The following PBLD variants were observed in gnomAD, a reference collection of about 807,000 sequenced individuals.
PBLD encodes the protein phenazine biosynthesis-like domain-containing protein.
PBLD carries 26 observed loss-of-function variants against 31.3 expected under a neutral mutation model. That is an observed-to-expected ratio of 0.83 (90% CI 0.61 to 1.15). The LOEUF (loss-of-function observed/expected upper bound fraction) is 1.15, where lower values mean the gene tolerates loss of function less well. PBLD is among the 50% of genes most tolerant of loss of function. The pLI is 0.00. For missense variants in PBLD, 307 were observed against 351.7 expected (o/e 0.87, Z 1.02); for synonymous variants, 114 against 129.0 (o/e 0.88, Z 0.79).
chr10:68,328,021 T>C (rs2044951341), intron 1 of PBLD, among the ~76,000 whole-genome samples: 1 of 152,132 alleles, frequency 6.6e-6, no homozygotes, highest in Non-Finnish European at 1.5e-5. Flanking sequence ...TTAGGTGACT[T>C]AGAGAAACAA....
At chr10:68,294,808 A>T (rs2044403211) in intron 4 of PBLD, among the ~76,000 whole-genome samples, 1 of 152,180 alleles carries the variant, frequency 6.6e-6, no homozygotes, top group Non-Finnish European at 1.5e-5. Flanking sequence ...GCTCACTGCA[A>T]CCACGGCCTC....
At chr10:68,284,740 A>C (rs151152456) in intron 9 of PBLD, among the ~76,000 whole-genome samples, 1 of 152,346 alleles carries the variant, frequency 6.6e-6, no homozygotes, top group East Asian at 1.9e-4. Flanking sequence ...ATTCACTCAT[A>C]ACATATTCAA....
intron 1 of PBLD, among the ~76,000 whole-genome samples, chr10:68,324,203 T>C (rs750950706): frequency 2.0e-5 from 3 of 151,792 alleles, no homozygotes; most frequent in Non-Finnish European, 4.4e-5. Flanking sequence ...TGCGCCACCA[T>C]GCCTCGCTCT....
intron 1 of PBLD, among the ~76,000 whole-genome samples, chr10:68,313,684 C>A (rs1484536913): frequency 2.6e-5 from 4 of 152,156 alleles, no homozygotes; most frequent in African/African-American, 7.2e-5. Flanking sequence ...GTGTTAAGAT[C>A]CACATTCTTG....
intron 1 of PBLD, among the ~76,000 whole-genome samples, chr10:68,329,058 T>C (rs769496270): frequency 2.6e-5 from 4 of 152,184 alleles, no homozygotes; most frequent in Non-Finnish European, 5.9e-5. Flanking sequence ...TTTATAGTTT[T>C]AGCAGAGACA....
chr10:68,310,854 C>T (rs2044657403), intron 1 of PBLD, among the ~76,000 whole-genome samples: 1 of 137,740 alleles, frequency 7.3e-6, no homozygotes, highest in Admixed American at 7.9e-5. Context: ...GGGGTTACAT[C>T]TCAATAAACC....
At chr10:68,293,836 G>A (rs555589503) in intron 4 of PBLD, among the ~76,000 whole-genome samples, 8 of 151,188 alleles carry the variant, frequency 5.3e-5, no homozygotes, top group East Asian at 2.0e-4. Flanking sequence ...TTAGCCAGGC[G>A]TGGTGGCAGG....
At chr10:68,284,888 C>A (rs2044267819) in intron 9 of PBLD, among the ~76,000 whole-genome samples, 1 of 152,214 alleles carries the variant, frequency 6.6e-6, no homozygotes, top group South Asian at 2.1e-4. Flanking sequence ...CAGACTCCTC[C>A]TTGGATGATC....
intron 1 of PBLD, among the ~76,000 whole-genome samples, chr10:68,319,079 GAA>G (rs1249313753): frequency 1.6e-5 from 2 of 122,420 alleles, no homozygotes; most frequent in South Asian, 3.0e-4. Context: ...AAGAAAGAAA[GAA>G]AGAAAGAAAG....
chr10:68,325,516 G>C (rs1420139725), intron 1 of PBLD, among the ~76,000 whole-genome samples: 1 of 152,170 alleles, frequency 6.6e-6, no homozygotes, highest in Non-Finnish European at 1.5e-5. Flanking sequence ...AATGAGCTGA[G>C]ATCACGCCAC....
chr10:68,314,899 T>C (rs10998063), intron 1 of PBLD, among the ~76,000 whole-genome samples: 27,334 of 151,980 alleles, frequency 0.18, 3,042 homozygotes, highest in African/African-American at 0.29. Context: ...AAGCGATTTT[T>C]CTGCCTCAGC....
intron 1 of PBLD, among the ~76,000 whole-genome samples, chr10:68,318,277 T>C (rs1050393253): frequency 2.7e-5 from 4 of 148,646 alleles, no homozygotes; most frequent in African/African-American, 9.9e-5. Context: ...AGGTGGCTAG[T>C]GCCCATAATC....
chr10:68,309,801 G>C (rs1455302548), intron 1 of PBLD, among the ~76,000 whole-genome samples: 1 of 127,700 alleles, frequency 7.8e-6, no homozygotes. Flanking sequence ...GAGAGACTCC[G>C]TCTCAAAAAA....
intron 1 of PBLD, among the ~76,000 whole-genome samples, chr10:68,322,758 G>GT (rs1448248369): frequency 6.6e-6 from 1 of 151,530 alleles, no homozygotes; most frequent in Non-Finnish European, 1.5e-5. Context: ...GTTTTGTTTT[G>GT]TTTTTTGTTT....
chr10:68,323,313 G>A (rs1453134131), intron 1 of PBLD, among the ~76,000 whole-genome samples: 1 of 151,850 alleles, frequency 6.6e-6, no homozygotes, highest in East Asian at 1.9e-4. Context: ...TGTAATCCCA[G>A]CACTTTGGGA....
At chr10:68,284,938 T>C in intron 9 of PBLD, 1 of 873,800 alleles carries the variant, frequency 1.1e-6, no homozygotes, top group Non-Finnish European at 1.4e-6. Flanking sequence ...CATTTTTCTC[T>C]GCCTCTAAGC....
Position 68,300,511 on chromosome 10 carries a change from G to A in PBLD, c.85-3526C>T, listed in dbSNP as rs2044491299. 3.3e-5 allele frequency among the ~76,000 whole-genome samples: 5 copies of A among 152,182 alleles called. No homozygotes were observed. The South Asian group carries it at 1.0e-3, about 31-fold the overall frequency. On this transcript the variant is annotated intron_variant, in intron 2 of 9. Transcript: ENST00000358769. ...CACGGCAACACAACTAAGGGGATTT[G>A]TTAGAAATGCAGAGTCCGAGGCCCC...
chr10:68,312,073 T>C (rs1345669967), intron 1 of PBLD, among the ~76,000 whole-genome samples: 1 of 152,274 alleles, frequency 6.6e-6, no homozygotes. Context: ...GCCATCTGTA[T>C]ACCACATTTT....
At chr10:68,297,078 C>A in intron 2 of PBLD, 93 bp from the exon 3 acceptor site, 1 of 978,360 alleles carries the variant, frequency 1.0e-6, no homozygotes, top group African/African-American at 1.6e-5. Flanking sequence ...AGCAGTTTAG[C>A]AATAATAAGA....
Sources: gnomAD v4.1 joint callset for allele counts (sites outside exome capture counted in the v4.1 genomes callset) on GRCh38, gnomAD v4.1.1 for gene constraint, MANE v1.5 for transcripts, NCBI Gene and HGNC (gene_info 2026-07-23, HGNC 2026-07-21) for gene names.